The following HOMEZ variants were observed in gnomAD, a reference collection of about 807,000 sequenced individuals.
HOMEZ encodes the protein homeobox and leucine zipper encoding.
A neutral mutation model predicts 50.1 loss-of-function variants in HOMEZ; 20 were observed. That is an observed-to-expected ratio of 0.40 (90% CI 0.28 to 0.58). The LOEUF is 0.58. Among genes scored for constraint, HOMEZ ranks in the 20% least tolerant of loss-of-function variants. The probability of loss-of-function intolerance (pLI) is 0.46; values close to 1 mark genes in which losing one functional copy is unlikely to be tolerated. For synonymous variants in HOMEZ, 239 were observed against 254.7 expected (o/e 0.94, Z 0.59); for missense variants, 579 against 680.5 (o/e 0.85, Z 1.66).
chr14:23,275,737 A>G lies in HOMEZ; in HGVS notation c.1491T>C (p.Asp497=), dbSNP rs1886335639. ...GCTGAGGTAATCGAGAGTCAAACCA[A>G]TCCAGCACCTGCTGGGTGCTAAGCC... ...ASRLSTQQVL[D]WFDSRLPQPA... The change falls in exon 2 of 2, where the codon GAT becomes GAC. Residue 497 remains aspartate, a synonymous_variant. Coordinates refer to ENST00000357460, the MANE Select transcript of HOMEZ (RefSeq NM_020834.3). 1.2e-6 allele frequency: 2 copies of G among 1,613,204 alleles called. No individual in the cohort carries two copies. The highest frequency in any genetic ancestry group is 1.7e-6 in the Non-Finnish European group (2 of 1,179,620).
At chr14:23,277,283 T>A in intron 1 of HOMEZ, 96 bp from the exon 2 acceptor site, 1 of 1,143,648 alleles carries the variant, frequency 8.7e-7, no homozygotes, top group Non-Finnish European at 1.2e-6. Context: ...CAGAACAATT[T>A]AATCTGTATT....
In HOMEZ at chr14:23,273,295, G is replaced by A. The variant is rs146920554; in HGVS notation, c.*2280C>T. On this transcript the variant is annotated 3_prime_UTR_variant, in exon 2 of 2. Coordinates refer to ENST00000357460, the MANE Select transcript of HOMEZ (RefSeq NM_020834.3). ...TTGGATATACTGTCCCATTGCCAAT[G>A]TTAACGAGCAATATCTCTGTTCTTT... 6.4e-6 allele frequency: 1 copy of A among 155,458 alleles called. No homozygotes were observed. The highest frequency in any genetic ancestry group is 2.4e-5 in the African/African-American group (1 of 41,644). The allele number at this position is 155,458 out of a possible 1,614,324, so 9.6% of individuals were successfully genotyped here.
chr14:23,272,978 G>A lies in HOMEZ; in HGVS notation c.*2597C>T. 2.8e-6 allele frequency: 2 copies of A among 723,188 alleles called. No individual in the cohort carries two copies. Among genetic ancestry groups the A allele is most frequent in the Non-Finnish European group, 4.5e-6 (2 of 444,362 alleles). The allele number at this position is 723,188 out of a possible 1,614,324, so 44.8% of individuals were successfully genotyped here. On this transcript the variant is annotated 3_prime_UTR_variant, in exon 2 of 2. Coordinates refer to ENST00000357460, the MANE Select transcript of HOMEZ (RefSeq NM_020834.3). ...ATTAGGGGTGATGGCCCTGGAAAATGTATCCCTGCATTGTTTCCTAGTTTC... is the reference window on the plus strand; with the variant it reads ...ATTAGGGGTGATGGCCCTGGAAAATATATCCCTGCATTGTTTCCTAGTTTC...
In HOMEZ at chr14:23,275,683, T is replaced by G. The variant is rs186036904; in HGVS notation, c.1545A>C (p.Glu515Asp). 6.2e-5 allele frequency: 98 copies of G among 1,591,118 alleles called. No individual in the cohort carries two copies. The highest frequency in any genetic ancestry group is 1.7e-5 in the Non-Finnish European group (20 of 1,168,344). ...GTTCTTCCTCCTCCTCTTCCTCTTCTTCATCTAGACAAACTACCACCTCAG... is the reference window on the plus strand; with the variant it reads ...GTTCTTCCTCCTCCTCTTCCTCTTCGTCATCTAGACAAACTACCACCTCAG... ...QPAEVVVCLD[E>D]EEEEEEEELP... Residue 515 changes from glutamate (E) to aspartate (D), a missense_variant, in exon 2 of 2, where the codon GAA becomes GAC. Physicochemically the swap from Glu to Asp is conservative, Grantham distance 45 (BLOSUM62 2). Coordinates refer to ENST00000357460, the MANE Select transcript of HOMEZ (RefSeq NM_020834.3).
At position 23,276,217 on chromosome 14, in the gene HOMEZ, A is replaced by G; in HGVS notation, c.1011T>C (p.His337=). The change falls in exon 2 of 2, where the codon CAT becomes CAC. Residue 337 remains histidine (H), a synonymous_variant. Transcript: ENST00000357460. This position sits in a 1 kb window ranked among gnomAD's most constrained non-coding sequence, Gnocchi z 4.1. Reference sequence around the variant, plus strand: ...GGCCAACTCTACCTGGTACTGAGTTATGCCGTAGCCCTTGGGGCCAGGCTG... The same window carrying G: ...GGCCAACTCTACCTGGTACTGAGTTGTGCCGTAGCCCTTGGGGCCAGGCTG... The part of the protein sequence containing the change: ...LEPAWPQGLR[H]NSVPGRVGPT... The G allele has an allele frequency of 6.2e-7, 1 of 1,614,010 alleles. No individual in the cohort carries two copies. Among genetic ancestry groups the G allele is most frequent in the Non-Finnish European group, 8.5e-7 (1 of 1,179,892 alleles).
chr14:23,276,844 G>A lies in HOMEZ; in HGVS notation c.384C>T (p.Tyr128=), dbSNP rs1372181964. 2.5e-6 allele frequency: 4 copies of A among 1,614,070 alleles called. No individual in the cohort carries two copies. The highest frequency in any genetic ancestry group is 3.4e-6 in the Non-Finnish European group (4 of 1,179,900). ...ATTTGAAATGGAGTTGGTCCCGACGGTAGACTACTCGGGCTCGAGTCTCTT... is the reference window on the plus strand; with the variant it reads ...ATTTGAAATGGAGTTGGTCCCGACGATAGACTACTCGGGCTCGAGTCTCTT... ...EIEETRARVV[Y]RRDQLHFKSL... The change falls in exon 2 of 2, where the codon TAC becomes TAT. Residue 128 remains tyrosine (Y), a synonymous_variant. Transcript: ENST00000357460. This position sits in a 1 kb window ranked among gnomAD's most constrained non-coding sequence, Gnocchi z 4.1.
At chr14:23,282,547 C>T (rs375425107) in intron 1 of HOMEZ, among the ~76,000 whole-genome samples, 88 of 151,634 alleles carry the variant, frequency 5.8e-4, no homozygotes, top group African/African-American at 2.1e-3. Flanking sequence ...AGCTGGAGAA[C>T]ACTTTATGAT....
At position 23,274,305 on chromosome 14, in the gene HOMEZ, T is replaced by C. The variant is rs754702415; in HGVS notation, c.*1270A>G. ...TGACAGCAAAAAGATGAAAAATTAG[T>C]CTCTGTCAAGCTGGACAGGAGGTAG... On this transcript the variant is annotated 3_prime_UTR_variant, in exon 2 of 2. Transcript: ENST00000357460. 2 of 152,544 alleles carry C rather than the reference T, an allele frequency of 1.3e-5. No homozygotes were observed. Among genetic ancestry groups the C allele is most frequent in the Admixed American group, 6.5e-5 (1 of 15,282 alleles). The allele number at this position is 152,544 out of a possible 1,614,324, so 9.4% of individuals were successfully genotyped here.
rs574794192 is a variant in HOMEZ at position 23,280,901 on chromosome 14, G to A, written c.41-3714C>T. On this transcript the variant is annotated intron_variant, in intron 1 of 1. Transcript: ENST00000357460. ...TGATTCCCTTGCCTCAGCCTCCTGA[G>A]TAGCTAGGACTACAGGCGCACGCCA... is the stretch of plus-strand genomic sequence containing the variant. Among the ~76,000 whole-genome samples the A allele has an allele frequency of 1.5e-3, 228 of 151,334 alleles. 1 individual carries two copies. The highest frequency in any genetic ancestry group is 1.6e-3 in the Non-Finnish European group (111 of 67,876).
At position 23,276,915 on chromosome 14, in the gene HOMEZ, C is replaced by T; in HGVS notation, c.313G>A (p.Ala105Thr). 1 of 1,614,070 alleles carries T rather than the reference C, an allele frequency of 6.2e-7. No homozygotes were observed. Among genetic ancestry groups the T allele is most frequent in the Non-Finnish European group, 8.5e-7 (1 of 1,179,902 alleles). ...QMEKVKTWFMAQRLRCGISWS... is the reference protein window; with the variant it reads ...QMEKVKTWFMTQRLRCGISWS... ...CTAATACCACAGCGGAGGCGCTGGG[C>T]CATAAACCAAGTCTTGACTTTCTCC... The change falls in exon 2 of 2, where the codon GCC (alanine) becomes ACC (threonine). Residue 105 changes from alanine (A) to threonine (T), a missense_variant. By Grantham distance (58) the Ala-to-Thr change is moderately conservative. Transcript: ENST00000357460. This position sits in a 1 kb window ranked among gnomAD's most constrained non-coding sequence, Gnocchi z 4.1.
At position 23,286,104 on chromosome 14, in the gene HOMEZ, T is replaced by A. The variant is rs900865492; in HGVS notation, c.-152A>T. The stretch of plus-strand genomic sequence containing the variant: ...GGGAGCGCGCCGGTCTACCCAGCCC[T>A]GCTCGAGCAAGTTGGAGGCGGGGCG... On this transcript the variant is annotated 5_prime_UTR_variant, in exon 1 of 2. Coordinates refer to ENST00000357460, the MANE Select transcript of HOMEZ (RefSeq NM_020834.3). The A allele has an allele frequency of 1.6e-6, 2 of 1,229,544 alleles. No individual in the cohort carries two copies. The highest frequency in any genetic ancestry group is 4.1e-5 in the South Asian group (1 of 24,104). 76.2% of individuals were successfully genotyped at this position (1,229,544 alleles called of 1,614,324 possible).
rs560037691 is a variant in HOMEZ at position 23,282,201 on chromosome 14, ACT to A, written c.40+3710_40+3711del. Among the ~76,000 whole-genome samples, 288 of 152,172 alleles carry A rather than the reference ACT, an allele frequency of 1.9e-3. 1 individual carries two copies. The highest frequency in any genetic ancestry group is 6.2e-3 in the African/African-American group (258 of 41,508). On this transcript the variant is annotated intron_variant, in intron 1 of 1. Transcript: ENST00000357460. The stretch of plus-strand genomic sequence containing the variant: ...ACAAAGACTGAATCATTTAACATTC[ACT>A]GTTTTCAATCTATTTTTGCAGAGCC...
rs774216330 is a variant in HOMEZ at position 23,276,712 on chromosome 14, A to G, written c.516T>C (p.Leu172=). The G allele has an allele frequency of 2.5e-6, 4 of 1,613,876 alleles. No homozygotes were observed. Among genetic ancestry groups the G allele is most frequent in the Non-Finnish European group, 3.4e-6 (4 of 1,179,890 alleles). The part of the protein sequence containing the change: ...QVGIGIGPPT[L]SKPTQTKGLK... ...ATCCTTTCGTCTGGGTAGGCTTGCT[A>G]AGAGTTGGAGGACCTATTCCAATAC... is the stretch of plus-strand genomic sequence containing the variant. The change falls in exon 2 of 2, where the codon CTT becomes CTC. Residue 172 remains leucine, a synonymous_variant. Coordinates refer to ENST00000357460, the MANE Select transcript of HOMEZ (RefSeq NM_020834.3). This position sits in a 1 kb window ranked among gnomAD's most constrained non-coding sequence, Gnocchi z 4.1.
Position 23,276,884 on chromosome 14 carries a change from G to A in HOMEZ, c.344C>T (p.Ser115Leu). The A allele has an allele frequency of 6.2e-7, 1 of 1,614,032 alleles. No individual in the cohort carries two copies. The highest frequency in any genetic ancestry group is 1.7e-5 in the Admixed American group (1 of 60,034). ...AQRLRCGISWSSEEIEETRAR... is the reference protein window; with the variant it reads ...AQRLRCGISWLSEEIEETRAR... ...TCGAGTCTCTTCTATTTCTTCAGAT[G>A]ACCAGCTAATACCACAGCGGAGGCG... Residue 115 changes from serine (S) to leucine (L), a missense_variant, in exon 2 of 2, where the codon TCA (serine) becomes TTA (leucine). Physicochemically the swap from Ser to Leu is moderately radical, Grantham distance 145. Coordinates refer to ENST00000357460, the MANE Select transcript of HOMEZ (RefSeq NM_020834.3). The surrounding 1 kb of genome is among the most constrained non-coding windows in gnomAD (Gnocchi z 4.1).
Position 23,272,609 on chromosome 14 carries a change from T to A in HOMEZ, c.*2966A>T, listed in dbSNP as rs1028722588. On this transcript the variant is annotated 3_prime_UTR_variant, in exon 2 of 2. Coordinates refer to ENST00000357460, the MANE Select transcript of HOMEZ (RefSeq NM_020834.3). ...TTTCAAATATTCATCCTTATTATTA[T>A]CACCATAAGCTACTGAAATGTTCCA... is the stretch of plus-strand genomic sequence containing the variant. The A allele has an allele frequency of 3.5e-6, 2 of 564,388 alleles. No individual in the cohort carries two copies. The highest frequency in any genetic ancestry group is 3.9e-5 in the African/African-American group (2 of 51,722). 35.0% of individuals were successfully genotyped at this position (564,388 alleles called of 1,614,324 possible). A position where few individuals can be genotyped will look rare whatever the true frequency, so the allele number is the denominator to read the frequency against.
intron 1 of HOMEZ, among the ~76,000 whole-genome samples, chr14:23,277,519 C>T (rs901261855): frequency 2.6e-5 from 4 of 151,958 alleles, no homozygotes; most frequent in African/African-American, 4.8e-5. Flanking sequence ...TTCGGGAGGC[C>T]GAGGTGGGAG....
At chr14:23,280,767 T>G (rs192753767) in intron 1 of HOMEZ, among the ~76,000 whole-genome samples, 1 of 128,384 alleles carries the variant, frequency 7.8e-6, no homozygotes, top group Non-Finnish European at 1.6e-5. Flanking sequence ...TATTTTATTT[T>G]ATTTTATTTT....
At chr14:23,285,868 T>C (rs1886650783) in intron 1 of HOMEZ, 45 bp downstream of exon 1, 2 of 1,140,416 alleles carry the variant, frequency 1.8e-6, no homozygotes, top group African/African-American at 1.6e-5. Flanking sequence ...TGGGAGACCG[T>C]ACACGAGCTG....
Position 23,276,004 on chromosome 14 carries a change from G to C in HOMEZ, c.1224C>G (p.Arg408=). Reference sequence around the variant, plus strand: ...TTAGTTGCCCATGCTTCAAGGCATAGCGTGTGTCACCAAACCACTGAATGA... The same window carrying C: ...TTAGTTGCCCATGCTTCAAGGCATACCGTGTGTCACCAAACCACTGAATGA... The part of the protein sequence containing the change: ...PEIIQWFGDT[R]YALKHGQLKW... Residue 408 remains arginine (R), a synonymous_variant, in exon 2 of 2, where the codon CGC becomes CGG. Transcript: ENST00000357460. The surrounding 1 kb of genome is among the most constrained non-coding windows in gnomAD (Gnocchi z 4.1). 6.2e-7 allele frequency: 1 copy of C among 1,613,482 alleles called. No individual in the cohort carries two copies. The highest frequency in any genetic ancestry group is 8.5e-7 in the Non-Finnish European group (1 of 1,179,598).
Sources: gnomAD v4.1 joint callset for allele counts (sites outside exome capture counted in the v4.1 genomes callset) on GRCh38, gnomAD v4.1.1 for gene constraint, Gnocchi (gnomAD v3.1) non-coding constraint, MANE v1.5 for transcripts, NCBI Gene and HGNC (gene_info 2026-07-23, HGNC 2026-07-21) for gene names.